Variants in GJB7 observed in about 807,000 individuals in gnomAD.
GJB7 encodes gap junction beta-7 protein.
For synonymous variants in GJB7, 87 were observed against 95.2 expected (o/e 0.91, Z 0.50); for missense variants, 253 against 256.8 (o/e 0.99, Z 0.10).
intron 2 of GJB7, among the ~76,000 whole-genome samples, chr6:87,297,708 T>C (rs1776266717): frequency 6.6e-6 from 1 of 152,204 alleles, no homozygotes; most frequent in Non-Finnish European, 1.5e-5. Context: ...TAGTAGATTA[T>C]AGAAACATTT....
chr6:87,324,021 C>T (rs1381488914), intron 1 of GJB7, among the ~76,000 whole-genome samples: 2 of 149,938 alleles, frequency 1.3e-5, no homozygotes, highest in African/African-American at 2.5e-5. Context: ...TCTCTGATGG[C>T]CAGTGATGGT....
chr6:87,283,367 G>GTGT lies in GJB7; in HGVS notation c.*871_*873dup, dbSNP rs1776005221. ...TCTGTGGCCTCCACTTCCTATCAAT[G>GTGT]TGTTGCCTTCTGGGGGACCTGCTTT... On this transcript the variant is annotated 3_prime_UTR_variant, in exon 3 of 3. Transcript: ENST00000525899. 1 of 152,216 alleles carries GTGT rather than the reference G, an allele frequency of 6.6e-6. No individual in the cohort carries two copies. Among genetic ancestry groups the GTGT allele is most frequent in the Non-Finnish European group, 1.5e-5 (1 of 68,046 alleles). The allele number at this position is 152,216 out of a possible 1,614,324, so 9.4% of individuals were successfully genotyped here.
chr6:87,292,548 C>T (rs1776191972), intron 2 of GJB7, among the ~76,000 whole-genome samples: 1 of 152,044 alleles, frequency 6.6e-6, no homozygotes, highest in Non-Finnish European at 1.5e-5. Context: ...TGATAACAGA[C>T]ATTTTCTATG....
At chr6:87,315,503 G>A (rs1274612823) in intron 2 of GJB7, among the ~76,000 whole-genome samples, 1 of 152,084 alleles carries the variant, frequency 6.6e-6, no homozygotes, top group African/African-American at 2.4e-5. Flanking sequence ...TTAAGAAACA[G>A]AATAGAGGCC....
intron 2 of GJB7, among the ~76,000 whole-genome samples, chr6:87,297,103 C>T (rs1391361589): frequency 6.6e-6 from 1 of 152,194 alleles, no homozygotes; most frequent in Admixed American, 6.5e-5. Flanking sequence ...TCCTTCATTG[C>T]ACTTCCCCTC....
At chr6:87,328,121 C>T (rs1016278033) in intron 1 of GJB7, among the ~76,000 whole-genome samples, 1 of 152,188 alleles carries the variant, frequency 6.6e-6, no homozygotes, top group African/African-American at 2.4e-5. Context: ...CCTTTAAGCA[C>T]TTCTCAGTAT....
At chr6:87,304,489 C>T (rs1459091166) in intron 2 of GJB7, among the ~76,000 whole-genome samples, 1 of 152,014 alleles carries the variant, frequency 6.6e-6, no homozygotes, top group Non-Finnish European at 1.5e-5. Flanking sequence ...AAGTTGAATC[C>T]CTGAATAGAC....
At chr6:87,319,142 T>C (rs1054556448) in intron 2 of GJB7, among the ~76,000 whole-genome samples, 16 of 152,100 alleles carry the variant, frequency 1.1e-4, no homozygotes, top group Admixed American at 6.6e-4. Flanking sequence ...AAATACAAAA[T>C]CTCCTGGAAA....
At chr6:87,286,098 T>C (rs1776054960) in intron 2 of GJB7, among the ~76,000 whole-genome samples, 2 of 152,172 alleles carry the variant, frequency 1.3e-5, no homozygotes, top group Non-Finnish European at 2.9e-5. Context: ...CTTTGCTCTT[T>C]TCTTACTCTT....
rs929546527 is a variant in GJB7 at position 87,284,466 on chromosome 6, A to G, written c.447T>C (p.Phe149=). The change falls in exon 3 of 3, where the codon TTT becomes TTC. Residue 149 remains phenylalanine, a synonymous_variant. Transcript: ENST00000525899. ...LVLFYKLYDG[F]SVPYLIKCDL... is the part of the protein sequence containing the mutation. ...CACACTTTATAAGGTAGGGAACACT[A>G]AAGCCATCATATAGCTTATAAAATA... The G allele has an allele frequency of 6.2e-7, 1 of 1,613,968 alleles. No individual in the cohort carries two copies. The highest frequency in any genetic ancestry group is 8.5e-7 in the Non-Finnish European group (1 of 1,179,838).
intron 2 of GJB7, among the ~76,000 whole-genome samples, chr6:87,296,037 C>T (rs1367085015): frequency 6.6e-6 from 1 of 152,200 alleles, no homozygotes; most frequent in African/African-American, 2.4e-5. Context: ...AGCCATATTT[C>T]ACTCTTCAGC....
At position 87,284,265 on chromosome 6, in the gene GJB7, T is replaced by A; in HGVS notation, c.648A>T (p.Lys216Asn). 1 of 1,613,608 alleles carries A rather than the reference T, an allele frequency of 6.2e-7. No individual in the cohort carries two copies. ...FIKCCLQKYL[K>N]KPQVLSV ...CTCACACACTGAGGACTTGAGGTTT[T>A]TTTAAATATTTTTGGAGACAGCACT... Residue 216 changes from lysine to asparagine, a missense_variant, in exon 3 of 3, where the codon AAA becomes AAT. Coordinates refer to ENST00000525899, the MANE Select transcript of GJB7 (RefSeq NM_198568.3).
chr6:87,291,910 T>C (rs1447757889), intron 2 of GJB7: 1 of 152,194 alleles, frequency 6.6e-6, no homozygotes, highest in East Asian at 1.9e-4. Context: ...AAACCTATCA[T>C]AAGAGAAATA....
Position 87,318,553 on chromosome 6 carries a change from T to A in GJB7, c.-28+4313A>T, listed in dbSNP as rs185773870. On this transcript the variant is annotated intron_variant, in intron 2 of 2. Coordinates refer to ENST00000525899, the MANE Select transcript of GJB7 (RefSeq NM_198568.3). ...TTGGCTTTGCTCTGTATGTTTTTCA[T>A]CTCCAGCAGGCTAGCTGGAGTATGT... Among the ~76,000 whole-genome samples, 131 of 152,298 alleles carry A rather than the reference T, an allele frequency of 8.6e-4. 1 individual carries two copies. The highest frequency in any genetic ancestry group is 2.7e-3 in the South Asian group (13 of 4,832).
chr6:87,287,798 G>C (rs1397588498), intron 2 of GJB7, among the ~76,000 whole-genome samples: 1 of 151,934 alleles, frequency 6.6e-6, no homozygotes, highest in Non-Finnish European at 1.5e-5. Context: ...GTTGCTAAAA[G>C]AAAGGCAACA....
chr6:87,303,307 G>A (rs1394707362), intron 2 of GJB7, among the ~76,000 whole-genome samples: 7 of 152,024 alleles, frequency 4.6e-5, no homozygotes, highest in Non-Finnish European at 7.3e-5. Context: ...ACACACATAC[G>A]CTCAAAATAA....
At chr6:87,308,313 C>T (rs1776463851) in intron 2 of GJB7, among the ~76,000 whole-genome samples, 1 of 152,092 alleles carries the variant, frequency 6.6e-6, no homozygotes, top group Non-Finnish European at 1.5e-5. Context: ...CAACATGGCA[C>T]ATGTATACAT....
chr6:87,286,075 T>C (rs1776054327), intron 2 of GJB7, among the ~76,000 whole-genome samples: 1 of 152,190 alleles, frequency 6.6e-6, no homozygotes, highest in African/African-American at 2.4e-5. Flanking sequence ...GTCCACCTCT[T>C]AAGAATTCTG....
intron 2 of GJB7, among the ~76,000 whole-genome samples, chr6:87,316,284 G>A (rs1466375411): frequency 6.6e-6 from 1 of 152,112 alleles, no homozygotes; most frequent in Non-Finnish European, 1.5e-5. Flanking sequence ...CCCAATCTCT[G>A]CAAGAGCTCA....
Sources: allele counts gnomAD v4.1 joint callset (sites outside exome capture counted in the v4.1 genomes callset), GRCh38; gene constraint gnomAD v4.1.1; transcripts MANE v1.5; gene names NCBI Gene and HGNC (gene_info 2026-07-23, HGNC 2026-07-21).